The following PCDHGC5 variants were observed in gnomAD, a reference collection of about 807,000 sequenced individuals.
The protein encoded by PCDHGC5 is protocadherin gamma subfamily C, 5.
A neutral mutation model predicts 59.0 loss-of-function variants in PCDHGC5; 25 were observed. The ratio of observed to expected loss-of-function variants is 0.42; its 90% CI spans 0.31 to 0.59. PCDHGC5 has a LOEUF of 0.59. Ranked by LOEUF, PCDHGC5 falls within the 20% of genes least tolerant of loss-of-function variation. The pLI, the probability that PCDHGC5 is intolerant of heterozygous loss-of-function variation, is 0.13. For missense variants in PCDHGC5, 1,067 were observed against 1,206.4 expected, an observed-to-expected ratio of 0.88 and a Z score of 1.71; for synonymous variants, 434 against 505.5, an observed-to-expected ratio of 0.86 and a Z score of 1.90.
chr5:141,506,506 C>T (rs1279198463), intron 3 of PCDHGC5, among the ~76,000 whole-genome samples: 2 of 151,030 alleles, frequency 1.3e-5, no homozygotes. Context: ...GATTCAAATC[C>T]TGGCACCTGG....
At chr5:141,503,178 T>C (rs988629461) in intron 2 of PCDHGC5, among the ~76,000 whole-genome samples, 56 of 151,998 alleles carry the variant, frequency 3.7e-4, no homozygotes, top group African/African-American at 1.3e-3. Flanking sequence ...TACTCTATTG[T>C]GTAATTATTT....
chr5:141,491,837 G>A lies in PCDHGC5; in HGVS notation c.2460+137G>A, dbSNP rs1404051857. The A allele has an allele frequency of 1.4e-6, 2 of 1,472,862 alleles. No individual in the cohort carries two copies. The highest frequency in any genetic ancestry group is 1.8e-6 in the Non-Finnish European group (2 of 1,111,878). The allele number at this position is 1,472,862 out of a possible 1,614,324, so 91.2% of individuals were successfully genotyped here. A position where few individuals can be genotyped will look rare whatever the true frequency, so the allele number is the denominator to read the frequency against. ...TGGCTGCGCTCCACCCGATTCTCGG[G>A]ATCATTGGACCGTTTGCGCGAAACC... On this transcript the variant is annotated intron_variant, in intron 1 of 3. Transcript: ENST00000252087. The surrounding 1 kb of genome is among the most constrained non-coding windows in gnomAD (Gnocchi z 6.9).
In PCDHGC5 at chr5:141,505,380, A is replaced by C; in HGVS notation, c.2520-13A>C. On this transcript the variant is annotated splice_polypyrimidine_tract_variant and intron_variant, in intron 2 of 3. Coordinates refer to ENST00000252087, the MANE Select transcript of PCDHGC5 (RefSeq NM_018929.3). ...CCTGGGAGTCTGTGCTCACCATCCT[A>C]CTCTCTCCCCAGCTCCCAAAATGGC... 1 of 1,613,480 alleles carries C rather than the reference A, an allele frequency of 6.2e-7. No homozygotes were observed. Among genetic ancestry groups the C allele is most frequent in the Non-Finnish European group, 8.5e-7 (1 of 1,179,856 alleles).
intron 3 of PCDHGC5, 67 bp from the exon 4 acceptor site, chr5:141,510,880 G>A (rs373993657): frequency 1.9e-6 from 3 of 1,611,784 alleles, no homozygotes; most frequent in Admixed American, 3.3e-5. Context: ...AACTGCTGGG[G>A]ATATAAGACA....
In PCDHGC5 at chr5:141,490,347, G is replaced by T; in HGVS notation, c.1107G>T (p.Val369=). The change falls in exon 1 of 4, where the codon GTG becomes GTT. Residue 369 remains valine, a synonymous_variant. Coordinates refer to ENST00000252087, the MANE Select transcript of PCDHGC5 (RefSeq NM_018929.3). This position sits in a 1 kb window ranked among gnomAD's most constrained non-coding sequence, Gnocchi z 5.4. ...AGAGCACACCAGTGGGCACAGTAGT[G>T]GGGTTGTTTAATGTGCGAGACCGGG... The part of the protein sequence containing the change: ...VLESTPVGTV[V]GLFNVRDRDS... 1 of 1,614,180 alleles carries T rather than the reference G, an allele frequency of 6.2e-7. No homozygotes were observed.
chr5:141,501,947 T>A (rs2099811963), intron 2 of PCDHGC5, among the ~76,000 whole-genome samples: 1 of 152,152 alleles, frequency 6.6e-6, no homozygotes, highest in Non-Finnish European at 1.5e-5. Context: ...CTGCTCCCTG[T>A]GACAGGTCAT....
In PCDHGC5 at chr5:141,493,026, C is replaced by T. The variant is rs73280358; in HGVS notation, c.2460+1326C>T. 6.6e-6 allele frequency among the ~76,000 whole-genome samples: 1 copy of T among 152,190 alleles called. No individual in the cohort carries two copies. The highest frequency in any genetic ancestry group is 1.5e-5 in the Non-Finnish European group (1 of 68,034). Reference sequence around the variant, plus strand: ...TAGGCTCTGCCAGATGCCAGGGTGCCCTTATGTGTGAGGAAACTACAATAG... The same window carrying T: ...TAGGCTCTGCCAGATGCCAGGGTGCTCTTATGTGTGAGGAAACTACAATAG... On this transcript the variant is annotated intron_variant, in intron 1 of 3. Coordinates refer to ENST00000252087, the MANE Select transcript of PCDHGC5 (RefSeq NM_018929.3). This position sits in a 1 kb window ranked among gnomAD's most constrained non-coding sequence, Gnocchi z 4.3.
Position 141,490,202 on chromosome 5 carries a change from G to A in PCDHGC5, c.962G>A (p.Arg321Lys), listed in dbSNP as rs1594889134. The change falls in exon 1 of 4, where the codon AGA (arginine) becomes AAA (lysine). Residue 321 changes from arginine (R) to lysine (K), a missense_variant. Coordinates refer to ENST00000252087, the MANE Select transcript of PCDHGC5 (RefSeq NM_018929.3). The surrounding 1 kb of genome is among the most constrained non-coding windows in gnomAD (Gnocchi z 5.4). ...EESRFYEIHA[R>K]ARDQGQPAME... is the part of the protein sequence containing the mutation. ...TCACGTTTCTATGAAATTCATGCAA[G>A]AGCCCGTGACCAGGGACAGCCTGCC... 1.2e-6 allele frequency: 2 copies of A among 1,614,220 alleles called. No homozygotes were observed. The highest frequency in any genetic ancestry group is 2.7e-5 in the African/African-American group (2 of 75,060).
chr5:141,506,228 A>T (rs538354130), intron 3 of PCDHGC5, among the ~76,000 whole-genome samples: 1 of 152,266 alleles, frequency 6.6e-6, no homozygotes, highest in East Asian at 1.9e-4. Context: ...AGGCAGGAGG[A>T]TCATGAGGTC....
chr5:141,491,646 G>T lies in PCDHGC5; in HGVS notation c.2406G>T (p.Ala802=). Residue 802 remains alanine (A), a synonymous_variant, in exon 1 of 4, where the codon GCG becomes GCT. Transcript: ENST00000252087. The surrounding 1 kb of genome is among the most constrained non-coding windows in gnomAD (Gnocchi z 6.9). ...GCGTTCAGCAGCCCACAGCTCTGGC[G>T]CTGGAGCCTGACGCCATCCGGTCCC... is the stretch of plus-strand genomic sequence containing the variant. ...PLSVQQPTAL[A]LEPDAIRSRS... is the part of the protein sequence containing the mutation. 1 of 1,613,872 alleles carries T rather than the reference G, an allele frequency of 6.2e-7. No individual in the cohort carries two copies. The highest frequency in any genetic ancestry group is 8.5e-7 in the Non-Finnish European group (1 of 1,180,030).
chr5:141,489,300 C>G lies in PCDHGC5; in HGVS notation c.60C>G (p.Ser20=). The G allele has an allele frequency of 6.3e-7, 1 of 1,585,700 alleles. No individual in the cohort carries two copies. The highest frequency in any genetic ancestry group is 1.2e-5 in the South Asian group (1 of 85,012). ...AGKWQVLCML[S]LCCWGWVSGQ... Reference sequence around the variant, plus strand: ...AATGGCAAGTGCTGTGCATGTTGTCCTTGTGCTGCTGGGGCTGGGTGTCTG... The same window carrying G: ...AATGGCAAGTGCTGTGCATGTTGTCGTTGTGCTGCTGGGGCTGGGTGTCTG... Residue 20 remains serine (S), a synonymous_variant, in exon 1 of 4, where the codon TCC becomes TCG. Coordinates refer to ENST00000252087, the MANE Select transcript of PCDHGC5 (RefSeq NM_018929.3). This position sits in a 1 kb window ranked among gnomAD's most constrained non-coding sequence, Gnocchi z 4.5.
chr5:141,496,621 CA>C (rs2099769988), intron 2 of PCDHGC5, among the ~76,000 whole-genome samples: 1 of 152,332 alleles, frequency 6.6e-6, no homozygotes, highest in Non-Finnish European at 1.5e-5. Flanking sequence ...AGCAGCAGAT[CA>C]AAAGGCTTGG....
Position 141,489,398 on chromosome 5 carries a change from G to A in PCDHGC5, c.158G>A (p.Gly53Asp), listed in dbSNP as rs2099686644. Residue 53 changes from glycine to aspartate, a missense_variant, in exon 1 of 4, where the codon GGC becomes GAC. By Grantham distance (94) the Gly-to-Asp change is moderately conservative (BLOSUM62 -1). Transcript: ENST00000252087. This position sits in a 1 kb window ranked among gnomAD's most constrained non-coding sequence, Gnocchi z 4.5. The stretch of plus-strand genomic sequence containing the variant: ...GTGGGGAATGTTGCTCAGGATCTGG[G>A]CTTAAAGATGACAGATCTGTTGAGC... The part of the protein sequence containing the change: ...TLVGNVAQDL[G>D]LKMTDLLSRR... 6.2e-7 allele frequency: 1 copy of A among 1,614,064 alleles called. No homozygotes were observed. The highest frequency in any genetic ancestry group is 1.3e-5 in the African/African-American group (1 of 74,910).
intron 2 of PCDHGC5, among the ~76,000 whole-genome samples, chr5:141,503,081 C>G (rs1354848667): frequency 6.6e-6 from 1 of 151,960 alleles, no homozygotes; most frequent in Non-Finnish European, 1.5e-5. Flanking sequence ...TCTCGATCTC[C>G]TGACCTCGTG....
chr5:141,510,223 G>C (rs944276162), intron 3 of PCDHGC5, among the ~76,000 whole-genome samples: 1 of 151,302 alleles, frequency 6.6e-6, no homozygotes, highest in African/African-American at 2.4e-5. Context: ...CAGTGAGCCG[G>C]GATCGCGCCA....
chr5:141,491,966 G>A lies in PCDHGC5; in HGVS notation c.2460+266G>A. 1.1e-6 allele frequency: 1 copy of A among 943,066 alleles called. No individual in the cohort carries two copies. Among genetic ancestry groups the A allele is most frequent in the Non-Finnish European group, 1.5e-6 (1 of 669,210 alleles). The allele number at this position is 943,066 out of a possible 1,614,324, so 58.4% of individuals were successfully genotyped here. On this transcript the variant is annotated intron_variant, in intron 1 of 3. Coordinates refer to ENST00000252087, the MANE Select transcript of PCDHGC5 (RefSeq NM_018929.3). The surrounding 1 kb of genome is among the most constrained non-coding windows in gnomAD (Gnocchi z 6.9). ...CCACCCCTACACTCAAAAAAGGCCG[G>A]GGCCTCCTTCGAGCTTCCGGTGAAT...
chr5:141,493,346 C>T lies in PCDHGC5; in HGVS notation c.2461-1461C>T, dbSNP rs766845200. Among the ~76,000 whole-genome samples, 5 of 152,172 alleles carry T rather than the reference C, an allele frequency of 3.3e-5. No individual in the cohort carries two copies. Among genetic ancestry groups the T allele is most frequent in the Non-Finnish European group, 7.3e-5 (5 of 68,028 alleles). On this transcript the variant is annotated intron_variant, in intron 1 of 3. Coordinates refer to ENST00000252087, the MANE Select transcript of PCDHGC5 (RefSeq NM_018929.3). The surrounding 1 kb of genome is among the most constrained non-coding windows in gnomAD (Gnocchi z 4.3). Reference sequence around the variant, plus strand: ...CCCCTGTCTAACTCCAGAATGTGTGCTTTTAATTTCTTGGCACTTGGAACT... The same window carrying T: ...CCCCTGTCTAACTCCAGAATGTGTGTTTTTAATTTCTTGGCACTTGGAACT...
At position 141,512,523 on chromosome 5, in the gene PCDHGC5, T is replaced by A. The variant is rs1222752176; in HGVS notation, c.*1350T>A. 6.5e-6 allele frequency: 1 copy of A among 152,848 alleles called. No homozygotes were observed. The highest frequency in any genetic ancestry group is 1.5e-5 in the Non-Finnish European group (1 of 68,240). 9.5% of individuals were successfully genotyped at this position (152,848 alleles called of 1,614,324 possible). A position where few individuals can be genotyped will look rare whatever the true frequency, so the allele number is the denominator to read the frequency against. The stretch of plus-strand genomic sequence containing the variant: ...AGTGCGCCCCCTAGTGGCCATAGCC[T>A]GGTTAAAGTTCCCCAGTGCCTCCTT... On this transcript the variant is annotated 3_prime_UTR_variant, in exon 4 of 4. Transcript: ENST00000252087.
At position 141,511,146 on chromosome 5, in the gene PCDHGC5, G is replaced by T; in HGVS notation, c.2808G>T (p.Lys936Asn). 1 of 1,614,208 alleles carries T rather than the reference G, an allele frequency of 6.2e-7. No individual in the cohort carries two copies. Among genetic ancestry groups the T allele is most frequent in the Non-Finnish European group, 8.5e-7 (1 of 1,180,018 alleles). The change falls in exon 4 of 4, where the codon AAG becomes AAT. Residue 936 changes from lysine to asparagine, a missense_variant. Lys to Asn is a moderately conservative substitution (Grantham distance 94). Coordinates refer to ENST00000252087, the MANE Select transcript of PCDHGC5 (RefSeq NM_018929.3). Reference protein sequence around the residue: ...KAPAGGNGNKKKSGKKEKK With the variant: ...KAPAGGNGNKNKSGKKEKK The stretch of plus-strand genomic sequence containing the variant: ...CAGCAGGTGGCAATGGCAACAAGAA[G>T]AAGTCGGGCAAGAAGGAGAAGAAGT...
Sources: gnomAD v4.1 joint callset for allele counts (sites outside exome capture counted in the v4.1 genomes callset) on GRCh38, gnomAD v4.1.1 for gene constraint, Gnocchi (gnomAD v3.1) non-coding constraint, MANE v1.5 for transcripts, NCBI Gene and HGNC (gene_info 2026-07-23, HGNC 2026-07-21) for gene names.